The following UNC5C variants were observed in gnomAD, a reference collection of about 807,000 sequenced individuals.
UNC5C encodes the protein netrin receptor UNC5C.
UNC5C carries 47 observed loss-of-function variants against 99.8 expected under a neutral mutation model. The observed-to-expected ratio is 0.47, with a 90% CI of 0.37 to 0.60. The LOEUF (loss-of-function observed/expected upper bound fraction) is 0.60, where lower values mean the gene tolerates loss of function less well. Among genes scored for constraint, UNC5C ranks in the 20% least tolerant of loss-of-function variants. The pLI is 0.00. For synonymous variants in UNC5C, 487 were observed against 452.2 expected (o/e 1.08, Z -0.98); for missense variants, 1,062 against 1,165.9 (o/e 0.91, Z 1.30).
chr4:95,207,633 C>T (rs935584573), intron 10 of UNC5C, among the ~76,000 whole-genome samples: 9 of 152,098 alleles, frequency 5.9e-5, no homozygotes, highest in East Asian at 1.9e-4. Flanking sequence ...GCCCTCTCAA[C>T]GACAACAGTC....
Position 95,397,140 on chromosome 4 carries a change from T to C in UNC5C, c.125-61509A>G, listed in dbSNP as rs138935025. Among the ~76,000 whole-genome samples, 347 of 152,304 alleles carry C rather than the reference T, an allele frequency of 2.3e-3. 1 individual carries two copies. Among genetic ancestry groups the C allele is most frequent in the African/African-American group, 8.0e-3 (333 of 41,560 alleles). On this transcript the variant is annotated intron_variant, in intron 1 of 15. Coordinates refer to ENST00000453304, the MANE Select transcript of UNC5C (RefSeq NM_003728.4). ...TCTACAGCAGGGAAATGCAGCCTTT[T>C]GACAAGTGGGAATTAAAAGGAATTT...
chr4:95,450,243 G>T (rs957666005), intron 1 of UNC5C, among the ~76,000 whole-genome samples: 1 of 152,154 alleles, frequency 6.6e-6, no homozygotes, highest in African/African-American at 2.4e-5. Context: ...ATGGGATCTT[G>T]CTCTGTCACC....
chr4:95,512,337 TA>T (rs2149487755), intron 1 of UNC5C, among the ~76,000 whole-genome samples: 1 of 152,206 alleles, frequency 6.6e-6, no homozygotes, highest in East Asian at 1.9e-4. Flanking sequence ...CAATTATTCT[TA>T]GGCTTACAGA....
At chr4:95,438,948 G>A (rs1035076407) in intron 1 of UNC5C, among the ~76,000 whole-genome samples, 1 of 152,054 alleles carries the variant, frequency 6.6e-6, no homozygotes, top group African/African-American at 2.4e-5. Flanking sequence ...ATCAATAAAC[G>A]GAGGATAGGA....
intron 1 of UNC5C, among the ~76,000 whole-genome samples, chr4:95,357,135 G>GTTTTT (rs33936765): frequency 2.7e-5 from 4 of 146,004 alleles, no homozygotes; most frequent in Admixed American, 1.4e-4. Flanking sequence ...CCTTTTTTTT[G>GTTTTT]TTTTTTTTTT....
chr4:95,188,848 C>T (rs1736948780), intron 12 of UNC5C, among the ~76,000 whole-genome samples: 1 of 152,150 alleles, frequency 6.6e-6, no homozygotes, highest in Non-Finnish European at 1.5e-5. Flanking sequence ...AAGTCCCTGT[C>T]ACTGCTTTAA....
intron 1 of UNC5C, among the ~76,000 whole-genome samples, chr4:95,410,636 G>A (rs999978217): frequency 6.6e-6 from 1 of 152,170 alleles, no homozygotes; most frequent in Non-Finnish European, 1.5e-5. Context: ...GAGAGTGTTA[G>A]GGGATGCAGC....
At chr4:95,480,516 T>C (rs1721105837) in intron 1 of UNC5C, among the ~76,000 whole-genome samples, 1 of 151,878 alleles carries the variant, frequency 6.6e-6, no homozygotes, top group Non-Finnish European at 1.5e-5. Flanking sequence ...TCTACCATTA[T>C]ACACAGCCTA....
chr4:95,507,273 G>GA (rs1721949038), intron 1 of UNC5C, among the ~76,000 whole-genome samples: 2 of 151,812 alleles, frequency 1.3e-5, no homozygotes, highest in Non-Finnish European at 2.9e-5. Flanking sequence ...AAACTGACCA[G>GA]AAAAAATGAG....
At chr4:95,195,902 CA>C (rs397973178) in intron 12 of UNC5C, among the ~76,000 whole-genome samples, 1,377 of 135,112 alleles carry the variant, frequency 0.01, 14 homozygotes, top group African/African-American at 0.028. Flanking sequence ...ATGAGTCCAT[CA>C]AAAAAAAAAA....
chr4:95,523,519 C>T (rs141949837), intron 1 of UNC5C, among the ~76,000 whole-genome samples: 36 of 152,110 alleles, frequency 2.4e-4, no homozygotes, highest in African/African-American at 8.4e-4. Flanking sequence ...GTCTATGCAA[C>T]TGATTAGGGG....
At chr4:95,414,043 C>CTT (rs1346622399) in intron 1 of UNC5C, among the ~76,000 whole-genome samples, 1 of 152,192 alleles carries the variant, frequency 6.6e-6, no homozygotes, top group Non-Finnish European at 1.5e-5. Flanking sequence ...ACCAATTTCT[C>CTT]TTTGATCAGA....
At chr4:95,423,735 G>A (rs960452458) in intron 1 of UNC5C, among the ~76,000 whole-genome samples, 1 of 152,110 alleles carries the variant, frequency 6.6e-6, no homozygotes, top group African/African-American at 2.4e-5. Context: ...TCTGTAAAAG[G>A]TGCAGACTCT....
At chr4:95,456,565 A>G (rs1385161229) in intron 1 of UNC5C, among the ~76,000 whole-genome samples, 1 of 152,150 alleles carries the variant, frequency 6.6e-6, no homozygotes. Context: ...CTTGATTTTC[A>G]GATAACAGAT....
intron 2 of UNC5C, among the ~76,000 whole-genome samples, chr4:95,317,180 G>A (rs191535031): frequency 6.6e-6 from 1 of 152,270 alleles, no homozygotes; most frequent in African/African-American, 2.4e-5. Flanking sequence ...TCAGCACTGG[G>A]TAATGTCTCC....
At chr4:95,545,679 A>G (rs1723038410) in intron 1 of UNC5C, among the ~76,000 whole-genome samples, 2 of 152,354 alleles carry the variant, frequency 1.3e-5, no homozygotes, top group East Asian at 1.9e-4. Flanking sequence ...GATAAGCAGC[A>G]TATCAATGCT....
intron 1 of UNC5C, among the ~76,000 whole-genome samples, chr4:95,539,321 C>T (rs1722857265): frequency 6.6e-6 from 1 of 152,162 alleles, no homozygotes; most frequent in Admixed American, 6.5e-5. Context: ...ATCCCCTAGT[C>T]TCTGTCACTT....
At chr4:95,444,369 C>T (rs965515933) in intron 1 of UNC5C, among the ~76,000 whole-genome samples, 3 of 147,384 alleles carry the variant, frequency 2.0e-5, no homozygotes, top group Non-Finnish European at 3.0e-5. Context: ...CTCGCTCTGT[C>T]GCCCAGGCTG....
chr4:95,417,959 C>G (rs759906115), intron 1 of UNC5C, among the ~76,000 whole-genome samples: 7 of 152,282 alleles, frequency 4.6e-5, no homozygotes, highest in African/African-American at 1.7e-4. Flanking sequence ...TAGACTCTTG[C>G]TGTATTTTGT....
Sources: gnomAD v4.1 joint callset for allele counts (sites outside exome capture counted in the v4.1 genomes callset) on GRCh38, gnomAD v4.1.1 for gene constraint, MANE v1.5 for transcripts, NCBI Gene and HGNC (gene_info 2026-07-23, HGNC 2026-07-21) for gene names.